Variants in WDR37 observed in about 807,000 individuals in gnomAD.
The protein encoded by WDR37 is WD repeat-containing protein 37.
Under a neutral mutation model 62.9 loss-of-function variants are expected in WDR37, and 19 were observed. The ratio of observed to expected loss-of-function variants is 0.30; its 90% CI spans 0.21 to 0.44. WDR37 has a LOEUF of 0.44. Ranked by LOEUF, WDR37 falls within the 20% of genes least tolerant of loss-of-function variation. The pLI is 1.00. For synonymous variants in WDR37, 250 were observed against 260.9 expected, an observed-to-expected ratio of 0.96 and a Z score of 0.40; for missense variants, 474 against 657.6, an observed-to-expected ratio of 0.72 and a Z score of 3.05.
intron 4 of WDR37, 54 bp downstream of exon 4, chr10:1,080,160 T>G (rs1833986011): frequency 1.9e-6 from 3 of 1,590,484 alleles, no homozygotes; most frequent in Non-Finnish European, 1.7e-6. Flanking sequence ...GCAGGAAATT[T>G]GGAATTTAGT....
At chr10:1,110,431 A>G (rs925470153) in intron 11 of WDR37, among the ~76,000 whole-genome samples, 3 of 152,242 alleles carry the variant, frequency 2.0e-5, no homozygotes, top group African/African-American at 4.8e-5. Flanking sequence ...TGTCTCCGGC[A>G]TGGGTTTTGT....
At chr10:1,065,745 A>G (rs1391745325) in intron 1 of WDR37, among the ~76,000 whole-genome samples, 2 of 152,248 alleles carry the variant, frequency 1.3e-5, no homozygotes, top group African/African-American at 2.4e-5. Context: ...GTGAAACACA[A>G]TATTTTCACC....
Position 1,104,996 on chromosome 10 carries a change from C to T in WDR37, c.962-130C>T, listed in dbSNP as rs1834958153. On this transcript the variant is annotated intron_variant, in intron 10 of 13. Coordinates refer to ENST00000263150, the MANE Select transcript of WDR37 (RefSeq NM_014023.4). ...CTGCCCCACTGTGACCCACATGCTG[C>T]TGAGTGATTCCATTAGGTCAGGTTC... 8 of 1,139,864 alleles carry T rather than the reference C, an allele frequency of 7.0e-6. No individual in the cohort carries two copies. The East Asian group carries it at 1.0e-4, about 15-fold the overall frequency. 70.6% of individuals were successfully genotyped at this position (1,139,864 alleles called of 1,614,324 possible).
chr10:1,113,726 T>C (rs1835292970), intron 11 of WDR37, among the ~76,000 whole-genome samples: 1 of 152,148 alleles, frequency 6.6e-6, no homozygotes, highest in South Asian at 2.1e-4. Flanking sequence ...TGGGACTGAA[T>C]TGCTACAATC....
At position 1,116,420 on chromosome 10, in the gene WDR37, G is replaced by T. The variant is rs568626885; in HGVS notation, c.1104-7798G>T. Among the ~76,000 whole-genome samples, 4 of 152,278 alleles carry T rather than the reference G, an allele frequency of 2.6e-5. No individual in the cohort carries two copies. The East Asian group carries it at 5.8e-4, about 22-fold the overall frequency. On this transcript the variant is annotated intron_variant, in intron 11 of 13. Transcript: ENST00000263150. Reference sequence around the variant, plus strand: ...AGTCCTCCGCTGTCCCTGTGTGCACGTAGTTTTGCTCCCACTTGCCAAGGA... The same window carrying T: ...AGTCCTCCGCTGTCCCTGTGTGCACTTAGTTTTGCTCCCACTTGCCAAGGA...
At chr10:1,088,288 T>C (rs1214099769) in intron 7 of WDR37, among the ~76,000 whole-genome samples, 1 of 152,248 alleles carries the variant, frequency 6.6e-6, no homozygotes, top group Admixed American at 6.5e-5. Context: ...CATTCAGAAG[T>C]TGGCTGTTTG....
Position 1,103,503 on chromosome 10 carries a change from C to T in WDR37, c.727-99C>T. ...GTGACCATCATGATGGATATGTCCT[C>T]AAGAGATTAATGAGAACCATCTATT... On this transcript the variant is annotated intron_variant, in intron 9 of 13. Transcript: ENST00000263150. This position sits in a 1 kb window ranked among gnomAD's most constrained non-coding sequence, Gnocchi z 6.3. The T allele has an allele frequency of 7.7e-7, 1 of 1,294,168 alleles. No individual in the cohort carries two copies. Among genetic ancestry groups the T allele is most frequent in the Non-Finnish European group, 1.1e-6 (1 of 932,914 alleles). 80.2% of individuals were successfully genotyped at this position (1,294,168 alleles called of 1,614,324 possible).
intron 1 of WDR37, among the ~76,000 whole-genome samples, chr10:1,061,318 C>G (rs1301755196): frequency 6.6e-6 from 1 of 152,200 alleles, no homozygotes; most frequent in Non-Finnish European, 1.5e-5. Flanking sequence ...ACACCTGCCA[C>G]TTCCTTGTCC....
In WDR37 at chr10:1,105,123, C is replaced by T. The variant is rs1211966977; in HGVS notation, c.962-3C>T. The T allele has an allele frequency of 2.5e-6, 4 of 1,613,832 alleles. No homozygotes were observed. The highest frequency in any genetic ancestry group is 2.2e-5 in the East Asian group (1 of 44,864). Reference sequence around the variant, plus strand: ...ACCTTGTGTTTTGCCATCTTGGTTACAGGGCACGACCAGGAGTTGACGCAC... The same window carrying T: ...ACCTTGTGTTTTGCCATCTTGGTTATAGGGCACGACCAGGAGTTGACGCAC... On this transcript the variant is annotated splice_region_variant and splice_polypyrimidine_tract_variant and intron_variant, in intron 10 of 13. Transcript: ENST00000263150. This position sits in a 1 kb window ranked among gnomAD's most constrained non-coding sequence, Gnocchi z 5.3.
rs1833806452 is a variant in WDR37, at chr10:1,074,407, C to T, written c.138+2114C>T. ...AGGTCTCCAAGCCGCACGGCCTCGT[C>T]CTCTGCTCCACCTTTGGCCTGTGTC... is the stretch of plus-strand genomic sequence containing the variant. On this transcript the variant is annotated intron_variant, in intron 2 of 13. Transcript: ENST00000263150. 4 of 1,303,008 alleles carry T rather than the reference C, an allele frequency of 3.1e-6. No individual in the cohort carries two copies. The South Asian group carries it at 4.9e-5, about 16-fold the overall frequency. The allele number at this position is 1,303,008 out of a possible 1,614,324, so 80.7% of individuals were successfully genotyped here.
chr10:1,081,932 G>A (rs1469710470), intron 5 of WDR37, among the ~76,000 whole-genome samples: 1 of 152,088 alleles, frequency 6.6e-6, no homozygotes, highest in Non-Finnish European at 1.5e-5. Context: ...AATAAGATTT[G>A]GACAAGGGTA....
intron 3 of WDR37, among the ~76,000 whole-genome samples, chr10:1,079,463 G>A (rs1833964299): frequency 6.6e-6 from 1 of 152,130 alleles, no homozygotes; most frequent in African/African-American, 2.4e-5. Flanking sequence ...TTGAGACCCT[G>A]ATAGCAGTGT....
intron 7 of WDR37, among the ~76,000 whole-genome samples, chr10:1,091,353 A>G (rs1363307410): frequency 6.6e-6 from 1 of 152,188 alleles, no homozygotes; most frequent in Non-Finnish European, 1.5e-5. Flanking sequence ...TTTTAGCTCC[A>G]TTGAGTGCTT....
At chr10:1,063,510 C>A (rs747031476) in intron 1 of WDR37, among the ~76,000 whole-genome samples, 67 of 152,186 alleles carry the variant, frequency 4.4e-4, no homozygotes, top group Non-Finnish European at 9.1e-4. Flanking sequence ...TTCAGATTCC[C>A]ACTCATGACA....
intron 13 of WDR37, among the ~76,000 whole-genome samples, chr10:1,127,615 G>A (rs1835834456): frequency 6.6e-6 from 1 of 152,224 alleles, no homozygotes; most frequent in Admixed American, 6.5e-5. Context: ...ATGAGTTTTG[G>A]GAAAGCGAGC....
At chr10:1,092,368 A>C (rs1185326598) in intron 7 of WDR37, among the ~76,000 whole-genome samples, 1 of 150,994 alleles carries the variant, frequency 6.6e-6, no homozygotes, top group Non-Finnish European at 1.5e-5. Flanking sequence ...AAAATACAAA[A>C]GACCCTCTTT....
intron 13 of WDR37, among the ~76,000 whole-genome samples, chr10:1,125,403 G>A (rs1835708347): frequency 6.6e-6 from 1 of 152,058 alleles, no homozygotes; most frequent in South Asian, 2.1e-4. Context: ...TTGTTAGTCA[G>A]GCTGGTTAGT....
intron 8 of WDR37, among the ~76,000 whole-genome samples, chr10:1,094,209 A>G (rs1834492434): frequency 1.3e-5 from 2 of 152,244 alleles, no homozygotes; most frequent in Non-Finnish European, 2.9e-5. Flanking sequence ...TGTCGCCAGT[A>G]CTGAGTTCTG....
At chr10:1,088,580 G>A (rs1346035080) in intron 7 of WDR37, among the ~76,000 whole-genome samples, 7 of 151,920 alleles carry the variant, frequency 4.6e-5, no homozygotes, top group Non-Finnish European at 1.0e-4. Flanking sequence ...TTATGTGGGT[G>A]TGGTTTGTGC....
Sources: allele counts gnomAD v4.1 joint callset (sites outside exome capture counted in the v4.1 genomes callset), GRCh38; gene constraint gnomAD v4.1.1; non-coding constraint Gnocchi (gnomAD v3.1); transcripts MANE v1.5; gene names NCBI Gene and HGNC (gene_info 2026-07-23, HGNC 2026-07-21).